FANCA: variants seen among roughly 807,000 people sequenced by gnomAD.
FANCA encodes the protein Fanconi anemia group A protein.
A neutral mutation model predicts 194.3 loss-of-function variants in FANCA; 236 were observed. The observed-to-expected ratio is 1.21, with a 90% CI of 1.09 to 1.35. The LOEUF (loss-of-function observed/expected upper bound fraction) is 1.35, where lower values mean the gene tolerates loss of function less well. Among genes scored for constraint, FANCA ranks in the 40% most tolerant of loss-of-function variants. The pLI, the probability that FANCA is intolerant of heterozygous loss-of-function variation, is 0.00. For missense variants in FANCA, 2,628 were observed against 1,813.9 expected (o/e 1.45, Z -8.15); for synonymous variants, 1,014 against 715.8 (o/e 1.42, Z -6.65).
Position 89,791,402 on chromosome 16 carries a change from C to G in FANCA, c.1359+1G>C, listed in dbSNP as rs1555561294. The G allele has an allele frequency of 1.2e-6, 2 of 1,613,842 alleles. No individual in the cohort carries two copies. Among genetic ancestry groups the G allele is most frequent in the Non-Finnish European group, 1.7e-6 (2 of 1,179,882 alleles). ...AGGTAGCCGATTGGCAGGTCACTTA[C>G]CTTGAACCAGTCTGCATATGACAGG... On this transcript the variant is annotated splice_donor_variant, in intron 14 of 42. Transcript: ENST00000389301. LOFTEE classifies it high-confidence loss of function.
intron 30 of FANCA, among the ~76,000 whole-genome samples, chr16:89,757,750 C>G (rs187522813): frequency 1.4e-4 from 22 of 152,372 alleles, no homozygotes; most frequent in Middle Eastern, 3.4e-3. Context: ...AGGAACTGCT[C>G]TGTCCTGAGA....
intron 21 of FANCA, among the ~76,000 whole-genome samples, chr16:89,774,304 C>G (rs564207197): frequency 6.6e-6 from 1 of 152,080 alleles, no homozygotes; most frequent in African/African-American, 2.4e-5. Context: ...AAGCTACGAA[C>G]AAGTGGACCC....
intron 18 of FANCA, 22 bp downstream of exon 18, chr16:89,779,847 C>G (rs766605832): frequency 6.2e-7 from 1 of 1,608,172 alleles, no homozygotes; most frequent in South Asian, 1.1e-5. Context: ...CTGCTAGAGG[C>G]CTTTTCGGCA....
chr16:89,738,281 G>A lies in FANCA; in HGVS notation c.*320C>T, dbSNP rs1339122096. 1.3e-6 allele frequency: 2 copies of A among 1,557,286 alleles called. No individual in the cohort carries two copies. The highest frequency in any genetic ancestry group is 8.7e-7 in the Non-Finnish European group (1 of 1,152,906). On this transcript the variant is annotated 3_prime_UTR_variant, in exon 43 of 43. Transcript: ENST00000389301. ...TGAGGATGAGCACCTCTAGCAGCCT[G>A]GACTCCGCAGTGGCTGTGTCAGCCT...
chr16:89,757,976 C>A (rs3785280), intron 30 of FANCA, among the ~76,000 whole-genome samples: 1 of 151,946 alleles, frequency 6.6e-6, no homozygotes, highest in African/African-American at 2.4e-5. Flanking sequence ...CTGCCTCAGC[C>A]TCCCAAGTAG....
chr16:89,772,120 G>C (rs2039346722), intron 22 of FANCA, among the ~76,000 whole-genome samples: 2 of 152,198 alleles, frequency 1.3e-5, no homozygotes, highest in African/African-American at 4.8e-5. Flanking sequence ...CAGCCCTCCA[G>C]ACACCACATC....
intron 1 of FANCA, chr16:89,816,271 G>T: frequency 3.6e-6 from 1 of 276,498 alleles, no homozygotes; most frequent in Non-Finnish European, 6.8e-6. Flanking sequence ...CCCCAGGCCC[G>T]CCTGACAGGG....
At chr16:89,774,546 C>T (rs1265227859) in intron 21 of FANCA, among the ~76,000 whole-genome samples, 5 of 151,456 alleles carry the variant, frequency 3.3e-5, no homozygotes, top group East Asian at 2.0e-4. Flanking sequence ...CTGGCTAACA[C>T]GGTGAAACCC....
chr16:89,795,029 A>T (rs2040196238), intron 11 of FANCA, among the ~76,000 whole-genome samples: 1 of 152,214 alleles, frequency 6.6e-6, no homozygotes, highest in African/African-American at 2.4e-5. Flanking sequence ...ACACGCCTGT[A>T]ATCCCAGTAT....
intron 36 of FANCA, among the ~76,000 whole-genome samples, chr16:89,743,526 A>T (rs1366730544): frequency 5.3e-5 from 8 of 149,858 alleles, no homozygotes; most frequent in Non-Finnish European, 1.2e-4. Flanking sequence ...ACTCAATCTC[A>T]AATAAACAAA....
intron 23 of FANCA, 109 bp downstream of exon 23, chr16:89,771,569 T>C: frequency 7.6e-7 from 1 of 1,316,052 alleles, no homozygotes; most frequent in Non-Finnish European, 1.1e-6. Flanking sequence ...GATACGACAC[T>C]AACTGAGCAA....
In FANCA at chr16:89,761,988, TCCAGCTCCAGGTGTAA is replaced by T; in HGVS notation, c.2797_2812del (p.Leu933LysfsTer51). The T allele has an allele frequency of 6.2e-7, 1 of 1,614,106 alleles. No individual in the cohort carries two copies. The highest frequency in any genetic ancestry group is 8.5e-7 in the Non-Finnish European group (1 of 1,179,972). ...AAGAGCATCAGCTTCAGGTTGAATT[TCCAGCTCCAGGTGTAA>T]CCAGTCTTGGTAAGTTAACTGAGAA... On this transcript the variant is annotated frameshift_variant, in exon 29 of 43. Transcript: ENST00000389301. LOFTEE classifies it high-confidence loss of function.
intron 10 of FANCA, among the ~76,000 whole-genome samples, chr16:89,798,091 G>C (rs1202802651): frequency 6.6e-6 from 1 of 152,146 alleles, no homozygotes; most frequent in African/African-American, 2.4e-5. Context: ...TCAAGGTGGG[G>C]TGTTGATAAG....
In FANCA at chr16:89,769,676, A is replaced by G. The variant is rs17233050; in HGVS notation, c.2504+161T>C. On this transcript the variant is annotated intron_variant, in intron 26 of 42. Coordinates refer to ENST00000389301, the MANE Select transcript of FANCA (RefSeq NM_000135.4). ...AACAAACGCACGCATATTATAAACA[A>G]ATGACAGATAAAATTCTGGAAGGAT... is the stretch of plus-strand genomic sequence containing the variant. 3.2e-3 allele frequency: 2,451 copies of G among 774,494 alleles called. 36 individuals carry two copies. In the African/African-American group the frequency reaches 0.035, roughly 11 times the overall value. The allele number at this position is 774,494 out of a possible 1,614,324, so 48.0% of individuals were successfully genotyped here.
chr16:89,779,084 G>C lies in FANCA; in HGVS notation c.1716-81C>G, dbSNP rs983166782. 9 of 1,360,076 alleles carry C rather than the reference G, an allele frequency of 6.6e-6. No individual in the cohort carries two copies. In the South Asian group the frequency reaches 9.6e-5, roughly 14 times the overall value. 84.3% of individuals were successfully genotyped at this position (1,360,076 alleles called of 1,614,324 possible). A position where few individuals can be genotyped will look rare whatever the true frequency, so the allele number is the denominator to read the frequency against. On this transcript the variant is annotated intron_variant, in intron 18 of 42. Coordinates refer to ENST00000389301, the MANE Select transcript of FANCA (RefSeq NM_000135.4). ...CACAGACGGTGACCGGTGTTTCAGA[G>C]AGTGGACTGCGAGGGCTCACTCCAA...
At chr16:89,778,718 T>G in intron 20 of FANCA, 83 bp downstream of exon 20, 1 of 1,356,162 alleles carries the variant, frequency 7.4e-7, no homozygotes, top group Middle Eastern at 1.8e-4. Context: ...GTCTAACAAA[T>G]TTCTCTACAG....
In FANCA at chr16:89,798,817, C is replaced by G. The variant is rs1480681470; in HGVS notation, c.893+349G>C. ...AATGTGGGGGGCTGAGAGGCAGGGC[C>G]AGCTCTAGAGCCTGAATCACACCCA... On this transcript the variant is annotated intron_variant, in intron 10 of 42. Coordinates refer to ENST00000389301, the MANE Select transcript of FANCA (RefSeq NM_000135.4). 4 of 1,454,408 alleles carry G rather than the reference C, an allele frequency of 2.8e-6. No individual in the cohort carries two copies. The East Asian group carries it at 1.0e-4, about 36-fold the overall frequency. The allele number at this position is 1,454,408 out of a possible 1,614,324, so 90.1% of individuals were successfully genotyped here.
At chr16:89,758,820 G>C in intron 29 of FANCA, 115 bp from the exon 30 acceptor site, 1 of 1,520,760 alleles carries the variant, frequency 6.6e-7, no homozygotes, top group Admixed American at 1.7e-5. Context: ...GAGCTGGGTT[G>C]AGACTGGCGG....
At chr16:89,792,416 A>G in intron 12 of FANCA, 55 bp downstream of exon 12, 1 of 1,555,302 alleles carries the variant, frequency 6.4e-7, no homozygotes. Context: ...TACTAGGCAG[A>G]TCTTAATCCC....
Sources: gnomAD v4.1 joint callset for allele counts (sites outside exome capture counted in the v4.1 genomes callset) on GRCh38, gnomAD v4.1.1 for gene constraint, MANE v1.5 for transcripts, NCBI Gene and HGNC (gene_info 2026-07-23, HGNC 2026-07-21) for gene names.